The following STK3 variants were observed in gnomAD, a reference collection of about 807,000 sequenced individuals.
STK3 encodes serine/threonine kinase 3, also known as serine/threonine-protein kinase 3.
Under a neutral mutation model 58.0 loss-of-function variants are expected in STK3, and 41 were observed. The observed-to-expected ratio is 0.71, with a 90% CI of 0.55 to 0.92. The LOEUF (loss-of-function observed/expected upper bound fraction) is 0.92, where lower values mean the gene tolerates loss of function less well. Ranked by LOEUF, STK3 falls within the 40% of genes least tolerant of loss-of-function variation. The pLI is 0.00. For missense variants in STK3, 479 were observed against 602.7 expected (o/e 0.79, Z 2.15); for synonymous variants, 170 against 191.0 (o/e 0.89, Z 0.91).
intron 3 of STK3, among the ~76,000 whole-genome samples, chr8:98,869,098 TAGAAA>T (rs964985880): frequency 8.5e-5 from 12 of 140,988 alleles, no homozygotes; most frequent in African/African-American, 3.3e-4. Flanking sequence ...AAAGAGAAAA[TAGAAA>T]AGAAAAGGAG....
At chr8:98,867,370 CG>C (rs1837183637) in intron 3 of STK3, among the ~76,000 whole-genome samples, 1 of 152,136 alleles carries the variant, frequency 6.6e-6, no homozygotes. Flanking sequence ...GCCGAGATCG[CG>C]CCCCTGCGTT....
the STK3 span, among the ~76,000 whole-genome samples, chr8:98,360,409 G>C: frequency 6.6e-6 from 1 of 152,112 alleles, no homozygotes; most frequent in African/African-American, 2.4e-5. Flanking sequence ...TCCATGCCTA[G>C]TCCAGTGCCT....
the STK3 span, among the ~76,000 whole-genome samples, chr8:98,352,384 C>G: frequency 4.9e-4 from 74 of 152,252 alleles, 1 homozygote; most frequent in South Asian, 0.014. Flanking sequence ...TGAACTGTAC[C>G]TGTGAGCACA....
At chr8:98,513,650 T>C (rs1452049158) in intron 10 of STK3, among the ~76,000 whole-genome samples, 1 of 152,142 alleles carries the variant, frequency 6.6e-6, no homozygotes, top group Non-Finnish European at 1.5e-5. Flanking sequence ...GCAGCAGACC[T>C]AATAGGGCCA....
At chr8:98,618,517 T>C (rs969592337) in intron 6 of STK3, among the ~76,000 whole-genome samples, 2 of 151,072 alleles carry the variant, frequency 1.3e-5, no homozygotes, top group Non-Finnish European at 3.0e-5. Context: ...AAAGAGGAAG[T>C]CAAACTGTCC....
At chr8:98,751,407 T>C (rs1587513471) in intron 3 of STK3, among the ~76,000 whole-genome samples, 1 of 152,162 alleles carries the variant, frequency 6.6e-6, no homozygotes, top group Middle Eastern at 3.4e-3. Context: ...TTCAGCAAAG[T>C]CTCAGGATAC....
chr8:98,430,173 T>C (rs1818308372), intron 3 of STK3: 2 of 167,080 alleles, frequency 1.2e-5, no homozygotes, highest in Non-Finnish European at 2.9e-5. Flanking sequence ...TTCAGCTAAA[T>C]AGTCCAAACC....
chr8:98,720,766 A>G (rs1420929657), intron 4 of STK3, among the ~76,000 whole-genome samples: 2 of 151,842 alleles, frequency 1.3e-5, no homozygotes, highest in South Asian at 2.1e-4. Context: ...AAAAAAAAAA[A>G]AAAGAAAAAC....
chr8:98,457,841 C>T (rs1339848879), intron 10 of STK3, among the ~76,000 whole-genome samples: 1 of 152,096 alleles, frequency 6.6e-6, no homozygotes, highest in Non-Finnish European at 1.5e-5. Context: ...ACTACTTTTA[C>T]TGGGGCAAAC....
chr8:98,400,936 T>C (rs1424797269), downstream of STK3, among the ~76,000 whole-genome samples: 1 of 152,180 alleles, frequency 6.6e-6, no homozygotes, highest in Non-Finnish European at 1.5e-5. Context: ...TCCAGAACTT[T>C]GCAATTCCTC....
Position 98,428,975 on chromosome 8 carries a change from C to G in STK3, n.483+5152G>C. 1 of 1,614,170 alleles carries G rather than the reference C, an allele frequency of 6.2e-7. No individual in the cohort carries two copies. Among genetic ancestry groups the G allele is most frequent in the Non-Finnish European group, 8.5e-7 (1 of 1,180,038 alleles). The stretch of plus-strand genomic sequence containing the variant: ...ACAGCTACAAAGAAGTAGGGCTGCT[C>G]TTGCTCTACCTCTCCGTGGGGATTT... On this transcript the variant is annotated intron_variant and non_coding_transcript_variant, in intron 3 of 3. Coordinates refer to the STK3 transcript ENST00000517832. This position sits in a 1 kb window ranked among gnomAD's most constrained non-coding sequence, Gnocchi z 6.7.
intron 8 of STK3, among the ~76,000 whole-genome samples, chr8:98,558,736 TA>T (rs1319452496): frequency 6.6e-6 from 1 of 152,084 alleles, no homozygotes; most frequent in African/African-American, 2.4e-5. Context: ...ATAGTATTTT[TA>T]AGAGTTAGCA....
chr8:98,808,826 G>T (rs564173978), intron 1 of STK3, among the ~76,000 whole-genome samples: 2 of 152,302 alleles, frequency 1.3e-5, no homozygotes, highest in East Asian at 3.9e-4. Flanking sequence ...CTCTTGGTAG[G>T]CCCCTACAAA....
At chr8:98,762,457 T>C (rs1406216136) in intron 3 of STK3, among the ~76,000 whole-genome samples, 4 of 152,216 alleles carry the variant, frequency 2.6e-5, no homozygotes, top group South Asian at 2.1e-4. Context: ...GGTTTCACCA[T>C]GTTTGCCAGG....
At chr8:98,698,240 T>A (rs1825175565) in intron 6 of STK3, among the ~76,000 whole-genome samples, 1 of 151,544 alleles carries the variant, frequency 6.6e-6, no homozygotes, top group Non-Finnish European at 1.5e-5. Context: ...ATCCTTTTAT[T>A]TTGAGCCTAT....
intron 3 of STK3, among the ~76,000 whole-genome samples, chr8:98,858,290 G>GTATATATATATATATATATATA (rs71572027): frequency 2.9e-5 from 1 of 34,382 alleles, no homozygotes; most frequent in Non-Finnish European, 4.6e-5. Flanking sequence ...ACATACATAC[G>GTATATATATATATATATATATA]TATATATATA....
chr8:98,588,845 A>C (rs946631249), intron 7 of STK3, among the ~76,000 whole-genome samples: 2 of 151,160 alleles, frequency 1.3e-5, no homozygotes, highest in Admixed American at 6.6e-5. Flanking sequence ...CATTTCACTC[A>C]TTTCATCTTC....
intron 3 of STK3, among the ~76,000 whole-genome samples, chr8:98,422,712 G>A (rs1232750297): frequency 1.3e-5 from 2 of 152,200 alleles, no homozygotes; most frequent in Non-Finnish European, 2.9e-5. Context: ...ACCTGGGGCA[G>A]TGGGTGGGTG....
chr8:98,353,403 A>T, the STK3 span, among the ~76,000 whole-genome samples: 1 of 152,188 alleles, frequency 6.6e-6, no homozygotes, highest in African/African-American at 2.4e-5. Context: ...AGGCGGGAGG[A>T]TCACTTAAGC....
Sources: gnomAD v4.1 joint callset for allele counts (sites outside exome capture counted in the v4.1 genomes callset) on GRCh38, gnomAD v4.1.1 for gene constraint, Gnocchi (gnomAD v3.1) non-coding constraint, MANE v1.5 for transcripts, NCBI Gene and HGNC (gene_info 2026-07-23, HGNC 2026-07-21) for gene names.